The following ZNF705G variants were observed in gnomAD, a reference collection of about 807,000 sequenced individuals.
ZNF705G encodes the protein zinc finger protein 705G.
ZNF705G carries 23 observed loss-of-function variants against 19.6 expected under a neutral mutation model. The observed-to-expected ratio is 1.17, with a 90% CI of 0.84 to 1.66. The LOEUF (loss-of-function observed/expected upper bound fraction) is 1.66, where lower values mean the gene tolerates loss of function less well. ZNF705G is among the 40% of genes most tolerant of loss of function. The pLI is 0.00. For missense variants in ZNF705G, 457 were observed against 354.4 expected, an observed-to-expected ratio of 1.29 and a Z score of -2.32; for synonymous variants, 146 against 117.7, an observed-to-expected ratio of 1.24 and a Z score of -1.56.
rs1806826807 is a variant in ZNF705G, at chr8:7,365,745, T to C, written c.-71-2728A>G. 2.0e-5 allele frequency among the ~76,000 whole-genome samples: 3 copies of C among 149,442 alleles called. No individual in the cohort carries two copies. In the South Asian group the frequency reaches 6.3e-4, roughly 31 times the overall value. ...TACCTTAATATTTTAAGGACACCCGTAAAAATTAAGAGGCCGACTTGTGAC... is the reference window on the plus strand; with the variant it reads ...TACCTTAATATTTTAAGGACACCCGCAAAAATTAAGAGGCCGACTTGTGAC... On this transcript the variant is annotated intron_variant, in intron 2 of 6. Transcript: ENST00000400156.
In ZNF705G at chr8:7,362,315, A is replaced by G. The variant is rs569246222; in HGVS notation, c.12+620T>C. Among the ~76,000 whole-genome samples, 8 of 149,988 alleles carry G rather than the reference A, an allele frequency of 5.3e-5. 1 individual carries two copies. Among genetic ancestry groups the G allele is most frequent in the Admixed American group, 1.3e-4 (2 of 15,250 alleles). ...GGTAAAGTGAATGGGGATAAGAATAATAATGACTTCTTTAGTTGTCCTTTC... is the reference window on the plus strand; with the variant it reads ...GGTAAAGTGAATGGGGATAAGAATAGTAATGACTTCTTTAGTTGTCCTTTC... On this transcript the variant is annotated intron_variant, in intron 3 of 6. Coordinates refer to ENST00000400156, the MANE Select transcript of ZNF705G (RefSeq NM_001164457.3).
intron 1 of ZNF705G, among the ~76,000 whole-genome samples, chr8:7,384,893 TTA>T (rs1807661564): frequency 6.8e-6 from 1 of 146,356 alleles, no homozygotes; most frequent in South Asian, 2.1e-4. Flanking sequence ...GACATAACTT[TTA>T]TATGAGATAG....
At chr8:7,378,774 A>G (rs2128846691) in intron 2 of ZNF705G, among the ~76,000 whole-genome samples, 1 of 145,562 alleles carries the variant, frequency 6.9e-6, no homozygotes, top group Non-Finnish European at 1.5e-5. Context: ...AGGACTCATG[A>G]TTACATTGGG....
chr8:7,384,378 A>T (rs1807638800), intron 1 of ZNF705G, among the ~76,000 whole-genome samples: 1 of 145,692 alleles, frequency 6.9e-6, no homozygotes, highest in Non-Finnish European at 1.5e-5. Flanking sequence ...TCACCACAAG[A>T]GTTTCAACCC....
chr8:7,359,570 TAACATG>T (rs1657192353), intron 6 of ZNF705G, 43 bp downstream of exon 6: 1 of 1,602,186 alleles, frequency 6.2e-7, no homozygotes, highest in East Asian at 2.2e-5. Context: ...CTTAATCCAT[TAACATG>T]TCTTTAACTT....
At chr8:7,358,954 A>C (rs1180731979) in intron 6 of ZNF705G, among the ~76,000 whole-genome samples, 5 of 149,546 alleles carry the variant, frequency 3.3e-5, no homozygotes, top group African/African-American at 1.3e-4. Context: ...ATGCATATTG[A>C]TTGTCTCCCT....
chr8:7,361,291 A>T, intron 3 of ZNF705G, 55 bp from the exon 4 acceptor site: 4 of 1,592,076 alleles, frequency 2.5e-6, no homozygotes, highest in South Asian at 2.2e-5. Context: ...CAATGTCCGG[A>T]AGAGGAAGGC....
Position 7,374,871 on chromosome 8 carries a change from G to A in ZNF705G, c.-72+6581C>T, listed in dbSNP as rs561974580. On this transcript the variant is annotated intron_variant, in intron 2 of 6. Coordinates refer to ENST00000400156, the MANE Select transcript of ZNF705G (RefSeq NM_001164457.3). The stretch of plus-strand genomic sequence containing the variant: ...TCTTTTGTTCCTAAAGCAAATGGCC[G>A]GAAAAGACATAGTGTCCACAATATG... Among the ~76,000 whole-genome samples the A allele has an allele frequency of 1.3e-4, 12 of 90,640 alleles. 4 individuals are homozygous for A. Among genetic ancestry groups the A allele is most frequent in the East Asian group, 3.6e-4 (1 of 2,780 alleles). 59.5% of individuals were successfully genotyped at this position (90,640 alleles called of 152,430 possible).
At chr8:7,379,979 C>T (rs1345420962) in intron 2 of ZNF705G, among the ~76,000 whole-genome samples, 1 of 141,292 alleles carries the variant, frequency 7.1e-6, no homozygotes, top group African/African-American at 3.1e-5. Flanking sequence ...CATCCAGAGT[C>T]CTGCAGAGTC....
rs1364724837 is a variant in ZNF705G at position 7,384,404 on chromosome 8, A to G, written c.-222+1094T>C. 1.4e-5 allele frequency among the ~76,000 whole-genome samples: 2 copies of G among 145,650 alleles called. 1 individual carries two copies. The highest frequency in any genetic ancestry group is 5.7e-5 in the African/African-American group (2 of 35,264). ...GTTTCAACCCCATCAAAAAGTGGGCAAAGGATGTGAACAGACATTTCTCAA... is the reference window on the plus strand; with the variant it reads ...GTTTCAACCCCATCAAAAAGTGGGCGAAGGATGTGAACAGACATTTCTCAA... On this transcript the variant is annotated intron_variant, in intron 1 of 6. Coordinates refer to ENST00000400156, the MANE Select transcript of ZNF705G (RefSeq NM_001164457.3).
chr8:7,367,884 T>A (rs1255280844), intron 2 of ZNF705G, among the ~76,000 whole-genome samples: 1 of 149,746 alleles, frequency 6.7e-6, no homozygotes, highest in Non-Finnish European at 1.5e-5. Context: ...CTTCTACTGG[T>A]AACAGTATCA....
chr8:7,359,302 C>T (rs1806455704), intron 6 of ZNF705G, among the ~76,000 whole-genome samples: 1 of 149,668 alleles, frequency 6.7e-6, no homozygotes, highest in Admixed American at 6.6e-5. Context: ...TACACATTAT[C>T]TCCTGCAGAC....
chr8:7,381,052 A>AC (rs1807475981), intron 2 of ZNF705G, among the ~76,000 whole-genome samples: 9 of 136,000 alleles, frequency 6.6e-5, no homozygotes, highest in African/African-American at 3.2e-4. Flanking sequence ...AAAAAAAAAA[A>AC]ACACAACACA....
intron 6 of ZNF705G, 129 bp downstream of exon 6, chr8:7,359,490 T>A: frequency 2.7e-6 from 3 of 1,123,852 alleles, no homozygotes; most frequent in Non-Finnish European, 3.4e-6. Context: ...AGTATCCAAT[T>A]TTTTTTTTTT....
chr8:7,357,248 G>T lies in ZNF705G; in HGVS notation c.*728C>A, dbSNP rs985682887. ...GATTTTTCATTGCATAACTTCTCCA[G>T]TAAGAAGTATTTGGTATTCCAAGAG... On this transcript the variant is annotated 3_prime_UTR_variant, in exon 7 of 7. Transcript: ENST00000400156. 6.6e-6 allele frequency: 1 copy of T among 151,010 alleles called. No individual in the cohort carries two copies. Among genetic ancestry groups the T allele is most frequent in the African/African-American group, 2.5e-5 (1 of 39,218 alleles). 9.4% of individuals were successfully genotyped at this position (151,010 alleles called of 1,614,324 possible). A position where few individuals can be genotyped will look rare whatever the true frequency, so the allele number is the denominator to read the frequency against.
chr8:7,362,734 C>T (rs1398064562), intron 3 of ZNF705G, among the ~76,000 whole-genome samples: 1 of 149,248 alleles, frequency 6.7e-6, no homozygotes, highest in Non-Finnish European at 1.5e-5. Context: ...AACCTAGAGT[C>T]CTGAGAAAAC....
intron 1 of ZNF705G, among the ~76,000 whole-genome samples, chr8:7,383,008 C>G (rs1447900873): frequency 6.7e-6 from 1 of 148,274 alleles, no homozygotes; most frequent in Admixed American, 6.6e-5. Flanking sequence ...CCCTAGCTCC[C>G]ACTTATAAAT....
chr8:7,366,251 A>G lies in ZNF705G; in HGVS notation c.-71-3234T>C, dbSNP rs546449290. Among the ~76,000 whole-genome samples the G allele has an allele frequency of 4.7e-5, 7 of 149,052 alleles. No individual in the cohort carries two copies. In the South Asian group the frequency reaches 1.5e-3, roughly 31 times the overall value. On this transcript the variant is annotated intron_variant, in intron 2 of 6. Coordinates refer to ENST00000400156, the MANE Select transcript of ZNF705G (RefSeq NM_001164457.3). ...GGATTGCAAGCCTCTCATGGCTTCC[A>G]ACATCCAATATATTCAAAGCAGTTC...
chr8:7,357,848 C>G lies in ZNF705G; in HGVS notation c.*128G>C, dbSNP rs1806345530. The G allele has an allele frequency of 1.4e-6, 2 of 1,418,414 alleles. No homozygotes were observed. The highest frequency in any genetic ancestry group is 2.4e-5 in the Admixed American group (1 of 42,332). 87.9% of individuals were successfully genotyped at this position (1,418,414 alleles called of 1,614,324 possible). ...GTGTCATCTAAAGTCAGAATATGTTCTGAAGAAGTTTATAATTTTCTCTCC... is the reference window on the plus strand; with the variant it reads ...GTGTCATCTAAAGTCAGAATATGTTGTGAAGAAGTTTATAATTTTCTCTCC... On this transcript the variant is annotated 3_prime_UTR_variant, in exon 7 of 7. Transcript: ENST00000400156.
Sources: allele counts gnomAD v4.1 joint callset (sites outside exome capture counted in the v4.1 genomes callset), GRCh38; gene constraint gnomAD v4.1.1; transcripts MANE v1.5; gene names NCBI Gene and HGNC (gene_info 2026-07-23, HGNC 2026-07-21).